TRARG1: variants seen among roughly 807,000 people sequenced by gnomAD.
The protein encoded by TRARG1 is trafficking regulator of GLUT4 (SLC2A4) 1 (gene/pseudogene), also known as trafficking regulator of GLUT4 1.
In TRARG1, 16 loss-of-function variants were observed where a neutral mutation model predicts 13.3. That is an observed-to-expected ratio of 1.20 (90% CI 0.81 to 1.83). The LOEUF is 1.83. Among genes scored for constraint, TRARG1 ranks in the 40% most tolerant of loss-of-function variants. The pLI, the probability that TRARG1 is intolerant of heterozygous loss-of-function variation, is 0.00. For synonymous variants in TRARG1, 113 were observed against 106.2 expected (o/e 1.06, Z -0.39); for missense variants, 250 against 237.4 (o/e 1.05, Z -0.35).
intron 1 of TRARG1, among the ~76,000 whole-genome samples, chr17:1,286,425 TG>T (rs2072022417): frequency 1.5e-5 from 2 of 135,094 alleles, no homozygotes; most frequent in African/African-American, 6.8e-5. Context: ...TATCAGCCTG[TG>T]GGGTGTTGTT....
intron 1 of TRARG1, among the ~76,000 whole-genome samples, chr17:1,282,312 GTA>G (rs1491389648): frequency 1.8e-3 from 271 of 150,652 alleles, no homozygotes; most frequent in African/African-American, 6.2e-3. Flanking sequence ...GTACATATGC[GTA>G]TATATGTACA....
intron 1 of TRARG1, among the ~76,000 whole-genome samples, chr17:1,291,914 A>G (rs2072072250): frequency 6.6e-6 from 1 of 152,168 alleles, no homozygotes; most frequent in Admixed American, 6.5e-5. Context: ...AGTGGAGGAT[A>G]AAACAGGAAA....
chr17:1,288,381 GGGCTCCTCATCCCCCACA>G (rs1380882825), intron 1 of TRARG1, among the ~76,000 whole-genome samples: 59 of 66,350 alleles, frequency 8.9e-4, no homozygotes, highest in Middle Eastern at 0.017. Flanking sequence ...CATCCCCCAT[GGGCTCCTCATCCCCCACA>G]GGTTCCCCAA....
chr17:1,292,872 A>G (rs1298897978), intron 1 of TRARG1, among the ~76,000 whole-genome samples: 1 of 152,170 alleles, frequency 6.6e-6, no homozygotes, highest in Non-Finnish European at 1.5e-5. Context: ...AGGAGCCGGG[A>G]TGCTCCTCCG....
At chr17:1,286,786 C>G (rs1201540132) in intron 1 of TRARG1, among the ~76,000 whole-genome samples, 2 of 111,310 alleles carry the variant, frequency 1.8e-5, no homozygotes, top group African/African-American at 7.2e-5. Flanking sequence ...ATTGGCCTGT[C>G]AGGTGTTATC....
chr17:1,296,018 C>G (rs1011933685), intron 2 of TRARG1, among the ~76,000 whole-genome samples: 2 of 152,072 alleles, frequency 1.3e-5, no homozygotes, highest in Non-Finnish European at 2.9e-5. Flanking sequence ...GAGCATCACC[C>G]GAGATAAAGG....
intron 1 of TRARG1, among the ~76,000 whole-genome samples, chr17:1,290,660 T>G (rs1366878469): frequency 6.6e-6 from 1 of 152,086 alleles, no homozygotes; most frequent in Non-Finnish European, 1.5e-5. Flanking sequence ...GCCCACATCA[T>G]GGTCTGTGCT....
At chr17:1,291,448 G>A (rs781126905) in intron 1 of TRARG1, among the ~76,000 whole-genome samples, 1 of 152,156 alleles carries the variant, frequency 6.6e-6, no homozygotes, top group African/African-American at 2.4e-5. Context: ...CGTTTTGTTC[G>A]GCACTTTTCC....
At position 1,295,603 on chromosome 17, in the gene TRARG1, C is replaced by A; in HGVS notation, c.500C>A (p.Ala167Asp). 6.2e-7 allele frequency: 1 copy of A among 1,612,292 alleles called. No homozygotes were observed. The highest frequency in any genetic ancestry group is 8.5e-7 in the Non-Finnish European group (1 of 1,179,424). The change falls in exon 2 of 3, where the codon GCC becomes GAC. Residue 167 changes from alanine to aspartate, a missense_variant. Physicochemically the swap from Ala to Asp is moderately radical, Grantham distance 126. Transcript: ENST00000333813. ...IIMGIVIIMV[A>D]VTVNFTVQKK is the part of the protein sequence containing the mutation. ...ATGGGCATCGTCATTATCATGGTGG[C>A]CGTGACCGTCAACTTCACAGGTGAG...
chr17:1,282,236 G>GTATATGTACA (rs1567928220), intron 1 of TRARG1, among the ~76,000 whole-genome samples: 7 of 128,026 alleles, frequency 5.5e-5, no homozygotes, highest in African/African-American at 1.7e-4. Flanking sequence ...GTATATGTAC[G>GTATATGTACA]TATATGCACG....
At chr17:1,293,149 T>C (rs929767002) in intron 1 of TRARG1, among the ~76,000 whole-genome samples, 4 of 151,942 alleles carry the variant, frequency 2.6e-5, no homozygotes, top group African/African-American at 9.7e-5. Flanking sequence ...CCGGGCGTAG[T>C]GGCGGTCACC....
rs2072126740 is a variant in TRARG1, at chr17:1,298,250, G to A, written c.521-1G>A. 1 of 1,613,724 alleles carries A rather than the reference G, an allele frequency of 6.2e-7. No homozygotes were observed. Among genetic ancestry groups the A allele is most frequent in the Admixed American group, 1.7e-5 (1 of 59,982 alleles). ...GCCATATCTGTTTTTTTTCTTTACA[G>A]TTCAGAAGAAATAAACTTAAGCAGG... On this transcript the variant is annotated splice_acceptor_variant, in intron 2 of 2. Transcript: ENST00000333813. LOFTEE classifies it high-confidence loss of function.
intron 1 of TRARG1, 59 bp from the exon 2 acceptor site, chr17:1,295,432 C>T: frequency 6.5e-7 from 1 of 1,535,708 alleles, no homozygotes; most frequent in Non-Finnish European, 8.7e-7. Flanking sequence ...CTGCTGAGGC[C>T]CATGAAGCTG....
chr17:1,293,863 G>A (rs146931156), intron 1 of TRARG1, among the ~76,000 whole-genome samples: 59 of 152,126 alleles, frequency 3.9e-4, no homozygotes, highest in African/African-American at 1.4e-3. Flanking sequence ...AGAGGGAGGG[G>A]CACAGCTCTG....
rs115565600 is a variant in TRARG1, at chr17:1,279,789, C to A, written c.-213C>A. ...CTCCAGCGTCTTTCTGGGAGCTCCG[C>A]GGGGGCAGCAGGCAGGCCCCAGCCT... On this transcript the variant is annotated 5_prime_UTR_variant, in exon 1 of 3. Coordinates refer to ENST00000333813, the MANE Select transcript of TRARG1 (RefSeq NM_172367.3). 8.4e-3 allele frequency: 4,382 copies of A among 521,462 alleles called. 68 individuals carry two copies. Among genetic ancestry groups the A allele is most frequent in the African/African-American group, 0.04 (2,068 of 52,304 alleles). The allele number at this position is 521,462 out of a possible 1,614,324, so 32.3% of individuals were successfully genotyped here. A position where few individuals can be genotyped will look rare whatever the true frequency, so the allele number is the denominator to read the frequency against.
chr17:1,296,760 C>T (rs917948819), intron 2 of TRARG1, among the ~76,000 whole-genome samples: 6 of 152,142 alleles, frequency 3.9e-5, no homozygotes, highest in African/African-American at 1.4e-4. Context: ...ATCCTCCCGC[C>T]TCAGCCTCCC....
intron 1 of TRARG1, 45 bp downstream of exon 1, chr17:1,280,433 G>A (rs763829145): frequency 2.0e-5 from 30 of 1,510,426 alleles, no homozygotes; most frequent in Non-Finnish European, 2.6e-5. Context: ...GGGCCCAGGG[G>A]TCGGCAGGTG....
intron 1 of TRARG1, 50 bp downstream of exon 1, chr17:1,280,438 C>A: frequency 6.6e-7 from 1 of 1,504,966 alleles, no homozygotes. Context: ...CAGGGGTCGG[C>A]AGGTGTTTCC....
intron 1 of TRARG1, among the ~76,000 whole-genome samples, chr17:1,283,501 T>C (rs774496252): frequency 4.6e-5 from 7 of 152,122 alleles, no homozygotes; most frequent in Non-Finnish European, 8.8e-5. Flanking sequence ...ATTTGCCTCA[T>C]CTCCAAAAGA....
Sources: allele counts gnomAD v4.1 joint callset (sites outside exome capture counted in the v4.1 genomes callset), GRCh38; gene constraint gnomAD v4.1.1; transcripts MANE v1.5; gene names NCBI Gene and HGNC (gene_info 2026-07-23, HGNC 2026-07-21).